The following PAQR9 variants were observed in gnomAD, a reference collection of about 807,000 sequenced individuals.
PAQR9 encodes progestin and adipoQ receptor family member 9.
A neutral mutation model predicts 24.0 loss-of-function variants in PAQR9; 12 were observed. The ratio of observed to expected loss-of-function variants is 0.50; its 90% CI spans 0.32 to 0.81. The LOEUF (loss-of-function observed/expected upper bound fraction) is 0.81, where lower values mean the gene tolerates loss of function less well. Ranked by LOEUF, PAQR9 falls within the 30% of genes least tolerant of loss-of-function variation. PAQR9 has a pLI of 0.03. For missense variants in PAQR9, 418 were observed against 520.8 expected, an observed-to-expected ratio of 0.80 and a Z score of 1.92; for synonymous variants, 266 against 237.6, an observed-to-expected ratio of 1.12 and a Z score of -1.10.
At position 142,959,896 on chromosome 3, in the gene PAQR9, T is replaced by C. The variant is rs1934860612; in HGVS notation, c.*2307A>G. 6.6e-6 allele frequency among the ~76,000 whole-genome samples: 1 copy of C among 152,224 alleles called. No homozygotes were observed. Among genetic ancestry groups the C allele is most frequent in the South Asian group, 2.1e-4 (1 of 4,834 alleles). ...ATACGCTTCACCCTGTTTCTCTAGCTTCCAAACCAATGTTCTTTGGGGCTC... is the reference window on the plus strand; with the variant it reads ...ATACGCTTCACCCTGTTTCTCTAGCCTCCAAACCAATGTTCTTTGGGGCTC... On this transcript the variant is annotated 3_prime_UTR_variant, in exon 1 of 1. Coordinates refer to ENST00000340634, the MANE Select transcript of PAQR9 (RefSeq NM_198504.4).
chr3:142,951,864 C>G, downstream of PAQR9: 1 of 433,204 alleles, frequency 2.3e-6, no homozygotes, highest in Non-Finnish European at 4.6e-6. Flanking sequence ...TCAAAGAGAA[C>G]AGAATGGGAA....
downstream of PAQR9, chr3:142,951,753 C>T (rs1264378424): frequency 1.1e-5 from 5 of 456,512 alleles, no homozygotes; most frequent in Non-Finnish European, 2.2e-5. Flanking sequence ...TATAGATGCT[C>T]TATCTTCACT....
chr3:142,953,507 C>A (rs1395881209), downstream of PAQR9, among the ~76,000 whole-genome samples: 1 of 152,222 alleles, frequency 6.6e-6, no homozygotes. Flanking sequence ...CCCTCCTCCA[C>A]ATGCTCCGGA....
downstream of PAQR9, chr3:142,951,646 C>T (rs540242543): frequency 3.1e-5 from 14 of 452,176 alleles, no homozygotes; most frequent in African/African-American, 2.4e-4. Context: ...TCAAGGTTTT[C>T]TGAACAAGAA....
rs770135607 is a variant in PAQR9, at chr3:142,963,291, G to A, written c.46C>T (p.Pro16Ser). ...QPRGAGTKGP[P>S]APAPAASGAA... ...CCCGAAGCTGCCGGGGCCGGGGCCG[G>A]AGGGCCTTTTGTGCCCGCGCCCCGG... The change falls in exon 1 of 1, where the codon CCG becomes TCG. Residue 16 changes from proline to serine, a missense_variant. By Grantham distance (74) the Pro-to-Ser change is moderately conservative. This residue lies in a region of PAQR9 where 180 missense variants were observed against 190.3 expected (regional missense o/e 0.95). Coordinates refer to ENST00000340634, the MANE Select transcript of PAQR9 (RefSeq NM_198504.4). 5 of 1,459,144 alleles carry A rather than the reference G, an allele frequency of 3.4e-6. No homozygotes were observed. In the African/African-American group the frequency reaches 7.2e-5, roughly 21 times the overall value. The allele number at this position is 1,459,144 out of a possible 1,614,324, so 90.4% of individuals were successfully genotyped here.
Position 142,954,995 on chromosome 3 carries a change from G to A in PAQR9, c.*7208C>T, listed in dbSNP as rs1411657643. Among the ~76,000 whole-genome samples, 1 of 152,054 alleles carries A rather than the reference G, an allele frequency of 6.6e-6. No individual in the cohort carries two copies. Among genetic ancestry groups the A allele is most frequent in the African/African-American group, 2.4e-5 (1 of 41,368 alleles). On this transcript the variant is annotated 3_prime_UTR_variant, in exon 1 of 1. Coordinates refer to ENST00000340634, the MANE Select transcript of PAQR9 (RefSeq NM_198504.4). Reference sequence around the variant, plus strand: ...AGCCTAAAAAGAATGAATCTGGCAAGCAATGGGAAAAATTTCTTTGTGCGC... The same window carrying A: ...AGCCTAAAAAGAATGAATCTGGCAAACAATGGGAAAAATTTCTTTGTGCGC...
At position 142,957,123 on chromosome 3, in the gene PAQR9, T is replaced by A. The variant is rs567593475; in HGVS notation, c.*5080A>T. Among the ~76,000 whole-genome samples the A allele has an allele frequency of 6.6e-6, 1 of 152,314 alleles. No individual in the cohort carries two copies. The highest frequency in any genetic ancestry group is 1.5e-5 in the Non-Finnish European group (1 of 68,032). On this transcript the variant is annotated 3_prime_UTR_variant, in exon 1 of 1. Transcript: ENST00000340634. ...ATCCCGTAATGCCTTTTTGCCTCTGTCCTAATTTTATGGAAACAAAGTAAG... is the reference window on the plus strand; with the variant it reads ...ATCCCGTAATGCCTTTTTGCCTCTGACCTAATTTTATGGAAACAAAGTAAG...
chr3:142,962,987 G>A lies in PAQR9; in HGVS notation c.350C>T (p.Pro117Leu). The change falls in exon 1 of 1, where the codon CCG becomes CTG. Residue 117 changes from proline (P) to leucine (L), a missense_variant. By Grantham distance (98) the Pro-to-Leu change is moderately conservative. Coordinates refer to ENST00000340634, the MANE Select transcript of PAQR9 (RefSeq NM_198504.4). ...GTAGCACCACAACGGTAGCAGCCACGGGTGGTGGAAGGGCACGTCGCCGCC... is the reference window on the plus strand; with the variant it reads ...GTAGCACCACAACGGTAGCAGCCACAGGTGGTGGAAGGGCACGTCGCCGCC... ...LSGGDVPFHH[P>L]WLLPLWCYAS... 2 of 1,614,130 alleles carry A rather than the reference G, an allele frequency of 1.2e-6. No individual in the cohort carries two copies. The highest frequency in any genetic ancestry group is 1.7e-6 in the Non-Finnish European group (2 of 1,180,016).
At position 142,958,045 on chromosome 3, in the gene PAQR9, C is replaced by G. The variant is rs1471206778; in HGVS notation, c.*4158G>C. On this transcript the variant is annotated 3_prime_UTR_variant, in exon 1 of 1. Transcript: ENST00000340634. ...ATGGCTGTAATAATACGGATGGGTC[C>G]TTGCCCAATGTCTTACACACAGTAG... Among the ~76,000 whole-genome samples the G allele has an allele frequency of 6.6e-6, 1 of 152,166 alleles. No homozygotes were observed. Among genetic ancestry groups the G allele is most frequent in the East Asian group, 1.9e-4 (1 of 5,190 alleles).
chr3:142,959,536 C>A lies in PAQR9; in HGVS notation c.*2667G>T, dbSNP rs1934853532. ...AAAGAACAGTGGACGAAGGAAAAGG[C>A]AAAGGGAAGAGGAAAGTGAATCCTC... is the stretch of plus-strand genomic sequence containing the variant. On this transcript the variant is annotated 3_prime_UTR_variant, in exon 1 of 1. Coordinates refer to ENST00000340634, the MANE Select transcript of PAQR9 (RefSeq NM_198504.4). 6.6e-6 allele frequency among the ~76,000 whole-genome samples: 1 copy of A among 152,124 alleles called. No homozygotes were observed. Among genetic ancestry groups the A allele is most frequent in the South Asian group, 2.1e-4 (1 of 4,816 alleles).
At position 142,956,541 on chromosome 3, in the gene PAQR9, C is replaced by T. The variant is rs73866279; in HGVS notation, c.*5662G>A. ...ATACATTGGGAAACATTCTCAAAAG[C>T]TCAAAGAGCAGGCTGTTTTTCCACT... On this transcript the variant is annotated 3_prime_UTR_variant, in exon 1 of 1. Transcript: ENST00000340634. Among the ~76,000 whole-genome samples the T allele has an allele frequency of 0.016, 2,395 of 152,276 alleles. 56 individuals are homozygous for T. The highest frequency in any genetic ancestry group is 0.051 in the African/African-American group (2,135 of 41,536).
downstream of PAQR9, chr3:142,952,772 G>A (rs928661545): frequency 8.8e-6 from 4 of 456,702 alleles, no homozygotes; most frequent in Non-Finnish European, 1.8e-5. Flanking sequence ...GAAGAGTGGG[G>A]AGGGACAGGA....
At chr3:142,952,035 C>T (rs1934720984), downstream of PAQR9, among the ~76,000 whole-genome samples, 1 of 120,856 alleles carries the variant, frequency 8.3e-6, no homozygotes, top group Non-Finnish European at 1.7e-5. Context: ...AAAAGCCTGG[C>T]TGTGAAAAAG....
At chr3:142,949,320 G>A (rs1468750340) in exon 3 of PAQR9, 1 of 152,204 alleles carries the variant, frequency 6.6e-6, no homozygotes, top group Non-Finnish European at 1.5e-5. Context: ...AGACAGTGAG[G>A]TAGGGATGAA....
rs769366560 is a variant in PAQR9, at chr3:142,962,524, G to C, written c.813C>G (p.Pro271=). Reference sequence around the variant, plus strand: ...GGCGGTAGAAGTGCACGAAGAGTGTGGGGTTCTCCCCACGCAGGTCGAAGA... The same window carrying C: ...GGCGGTAGAAGTGCACGAAGAGTGTCGGGTTCTCCCCACGCAGGTCGAAGA... The part of the protein sequence containing the change: ...SWLFDLRGEN[P]TLFVHFYRRY... Residue 271 remains proline (P), a synonymous_variant, in exon 1 of 1, where the codon CCC becomes CCG. Coordinates refer to ENST00000340634, the MANE Select transcript of PAQR9 (RefSeq NM_198504.4). 1.9e-6 allele frequency: 3 copies of C among 1,613,412 alleles called. No homozygotes were observed. Among genetic ancestry groups the C allele is most frequent in the South Asian group, 2.2e-5 (2 of 91,040 alleles).
At chr3:142,963,764 G>C (rs933990633), upstream of PAQR9, 10 of 948,912 alleles carry the variant, frequency 1.1e-5, no homozygotes, top group African/African-American at 3.5e-5. Context: ...GGAGGGACGG[G>C]CGCACCGAGG....
upstream of PAQR9, chr3:142,963,858 C>A (rs1390388588): frequency 5.1e-6 from 5 of 985,304 alleles, no homozygotes; most frequent in East Asian, 5.7e-4. Context: ...GTACCATCCC[C>A]CTCCTCGGGC....
In PAQR9 at chr3:142,963,362, G is replaced by C; in HGVS notation, c.-26C>G. 1 of 1,196,890 alleles carries C rather than the reference G, an allele frequency of 8.4e-7. No individual in the cohort carries two copies. Among genetic ancestry groups the C allele is most frequent in the Non-Finnish European group, 1.0e-6 (1 of 966,516 alleles). 74.1% of individuals were successfully genotyped at this position (1,196,890 alleles called of 1,614,324 possible). A position where few individuals can be genotyped will look rare whatever the true frequency, so the allele number is the denominator to read the frequency against. On this transcript the variant is annotated 5_prime_UTR_variant, in exon 1 of 1. Transcript: ENST00000340634. ...GGTGCCCGGGGCTCGGCTAGGGCGC[G>C]CGCAGGCGACCTCTGGCGCCGGCTC...
chr3:142,954,051 A>G (rs542066352), downstream of PAQR9, among the ~76,000 whole-genome samples: 12 of 152,194 alleles, frequency 7.9e-5, no homozygotes, highest in South Asian at 2.5e-3. Flanking sequence ...CCTCCTACAA[A>G]CCTTTTCTTC....
Sources: gnomAD v4.1 joint callset for allele counts (sites outside exome capture counted in the v4.1 genomes callset) on GRCh38, gnomAD v4.1.1 for gene constraint, gnomAD v4.1.1 regional missense constraint, MANE v1.5 for transcripts, NCBI Gene and HGNC (gene_info 2026-07-23, HGNC 2026-07-21) for gene names.